DOCK3: variants seen among roughly 807,000 people sequenced by gnomAD.
The protein encoded by DOCK3 is dedicator of cytokinesis 3, also known as dedicator of cytokinesis protein 3.
DOCK3 carries 60 observed loss-of-function variants against 265.6 expected under a neutral mutation model. The ratio of observed to expected loss-of-function variants is 0.23; its 90% CI spans 0.18 to 0.28. DOCK3 has a LOEUF of 0.28. Ranked by LOEUF, DOCK3 falls within the 10% of genes least tolerant of loss-of-function variation. The pLI, the probability that DOCK3 is intolerant of heterozygous loss-of-function variation, is 1.00. For synonymous variants in DOCK3, 881 were observed against 938.0 expected, an observed-to-expected ratio of 0.94 and a Z score of 1.11; for missense variants, 1,981 against 2,594.3, an observed-to-expected ratio of 0.76 and a Z score of 5.14.
rs567607974 is a variant in DOCK3, at chr3:51,035,475, G to T, written c.316-28973G>T. ...TTTCTTATTTTGTCATTTATTAAGG[G>T]CATATCATTCTCTACCTCACTGAGT... On this transcript the variant is annotated intron_variant, in intron 5 of 52. Coordinates refer to ENST00000266037, the MANE Select transcript of DOCK3 (RefSeq NM_004947.5). 5.9e-5 allele frequency among the ~76,000 whole-genome samples: 9 copies of T among 151,996 alleles called. No individual in the cohort carries two copies. In the South Asian group the frequency reaches 1.9e-3, roughly 32 times the overall value.
chr3:50,997,964 A>G (rs1453360352), intron 5 of DOCK3, among the ~76,000 whole-genome samples: 1 of 152,216 alleles, frequency 6.6e-6, no homozygotes, highest in South Asian at 2.1e-4. Context: ...ATATTAGAGA[A>G]TATAATGTAT....
intron 3 of DOCK3, among the ~76,000 whole-genome samples, chr3:50,866,253 G>C (rs1479716708): frequency 6.6e-6 from 1 of 152,104 alleles, no homozygotes; most frequent in African/African-American, 2.4e-5. Flanking sequence ...TTGGGAGGCT[G>C]AGGTGGGCAG....
intron 27 of DOCK3, among the ~76,000 whole-genome samples, chr3:51,282,321 A>G (rs761249317): frequency 7.8e-6 from 1 of 128,954 alleles, no homozygotes; most frequent in Non-Finnish European, 1.7e-5. Flanking sequence ...AAAAAGACTC[A>G]TCACAAATAG....
At chr3:51,149,100 T>A (rs571769710) in intron 10 of DOCK3, among the ~76,000 whole-genome samples, 29 of 152,272 alleles carry the variant, frequency 1.9e-4, no homozygotes, top group Admixed American at 1.2e-3. Context: ...ATTCTCTTTG[T>A]AGCAATTGTG....
At chr3:50,704,975 G>T (rs1038835944) in intron 1 of DOCK3, among the ~76,000 whole-genome samples, 1 of 150,520 alleles carries the variant, frequency 6.6e-6, no homozygotes, top group African/African-American at 2.4e-5. Flanking sequence ...ATTCAAGGTT[G>T]TCACTGATAG....
At chr3:51,244,011 C>A (rs2078720141) in intron 21 of DOCK3, among the ~76,000 whole-genome samples, 1 of 152,202 alleles carries the variant, frequency 6.6e-6, no homozygotes, top group African/African-American at 2.4e-5. Flanking sequence ...ACCCTGGCCC[C>A]TTGACCATAT....
chr3:51,073,327 T>G (rs2081952219), intron 6 of DOCK3, among the ~76,000 whole-genome samples: 1 of 148,994 alleles, frequency 6.7e-6, no homozygotes, highest in Non-Finnish European at 1.5e-5. Context: ...TTTATGTCAG[T>G]TGCTTTTTAT....
At chr3:50,939,442 G>A (rs13079565) in intron 5 of DOCK3, among the ~76,000 whole-genome samples, 14,343 of 151,976 alleles carry the variant, frequency 0.094, 836 homozygotes, top group Non-Finnish European at 0.12. Flanking sequence ...AAAAAAATCT[G>A]GAGTATCTCT....
chr3:50,737,685 G>A (rs778700247), intron 1 of DOCK3, among the ~76,000 whole-genome samples: 41 of 151,958 alleles, frequency 2.7e-4, no homozygotes, highest in Non-Finnish European at 1.6e-4. Context: ...TCTTTGTTCT[G>A]CTGATTGAGT....
intron 1 of DOCK3, among the ~76,000 whole-genome samples, chr3:50,718,723 C>G (rs1222565416): frequency 6.7e-6 from 1 of 149,786 alleles, no homozygotes; most frequent in Non-Finnish European, 1.5e-5. Flanking sequence ...TTGCCATCCG[C>G]TCTAGCTGTA....
At chr3:51,231,382 G>A (rs1560250976) in intron 19 of DOCK3, among the ~76,000 whole-genome samples, 1 of 152,022 alleles carries the variant, frequency 6.6e-6, no homozygotes, top group Admixed American at 6.6e-5. Flanking sequence ...GCCTGCCTCA[G>A]CCTCCCAAAG....
At chr3:51,089,134 G>A in intron 7 of DOCK3, 109 bp from the exon 8 acceptor site, 5 of 1,093,282 alleles carry the variant, frequency 4.6e-6, no homozygotes, top group Non-Finnish European at 6.7e-6. Flanking sequence ...AGAATTAAAT[G>A]AGATCATGAA....
intron 38 of DOCK3, among the ~76,000 whole-genome samples, chr3:51,347,913 A>G (rs2085701332): frequency 6.6e-6 from 1 of 152,230 alleles, no homozygotes; most frequent in East Asian, 1.9e-4. Flanking sequence ...TGTGAATGGG[A>G]GTTCACTCAC....
intron 5 of DOCK3, among the ~76,000 whole-genome samples, chr3:51,039,805 A>G (rs1222178996): frequency 6.7e-6 from 1 of 149,656 alleles, no homozygotes; most frequent in Non-Finnish European, 1.5e-5. Flanking sequence ...TACCTTTGAG[A>G]TTCTTTCATA....
chr3:50,705,288 C>T (rs946928091), intron 1 of DOCK3, among the ~76,000 whole-genome samples: 10 of 152,060 alleles, frequency 6.6e-5, no homozygotes, highest in Admixed American at 2.0e-4. Context: ...GTAATCCCCA[C>T]GTGTTGAGGG....
intron 9 of DOCK3, among the ~76,000 whole-genome samples, chr3:51,101,274 CCG>C: frequency 6.6e-6 from 1 of 152,166 alleles, no homozygotes; most frequent in East Asian, 1.9e-4. Context: ...GCGCCCGCCA[CCG>C]CGCCCGGCTA....
At chr3:51,324,423 G>T (rs955102399) in intron 32 of DOCK3, among the ~76,000 whole-genome samples, 2 of 152,120 alleles carry the variant, frequency 1.3e-5, no homozygotes, top group African/African-American at 4.8e-5. Flanking sequence ...AATAAGAGAG[G>T]ATACAAATAA....
chr3:51,138,646 G>A (rs543050933), intron 9 of DOCK3, among the ~76,000 whole-genome samples: 34 of 152,138 alleles, frequency 2.2e-4, no homozygotes, highest in Non-Finnish European at 4.7e-4. Flanking sequence ...CCTCCAAATA[G>A]TACCCTGCTA....
intron 5 of DOCK3, among the ~76,000 whole-genome samples, chr3:51,048,252 G>A (rs2080851544): frequency 6.6e-6 from 1 of 152,000 alleles, no homozygotes; most frequent in South Asian, 2.1e-4. Context: ...AAGGCTCCAT[G>A]TATGACAGCC....
Sources: allele counts gnomAD v4.1 joint callset (sites outside exome capture counted in the v4.1 genomes callset), GRCh38; gene constraint gnomAD v4.1.1; transcripts MANE v1.5; gene names NCBI Gene and HGNC (gene_info 2026-07-23, HGNC 2026-07-21).